Variants in CSMD3 observed in about 807,000 individuals in gnomAD.
CSMD3 encodes CUB and Sushi multiple domains 3.
A neutral mutation model predicts 435.2 loss-of-function variants in CSMD3; 177 were observed. The observed-to-expected ratio is 0.41, with a 90% CI of 0.36 to 0.46. CSMD3 has a LOEUF of 0.46. CSMD3 is among the 20% of genes least tolerant of loss of function. CSMD3 has a pLI of 0.34. For missense variants in CSMD3, 4,265 were observed against 4,504.6 expected, an observed-to-expected ratio of 0.95 and a Z score of 1.52; for synonymous variants, 1,656 against 1,520.5, an observed-to-expected ratio of 1.09 and a Z score of -2.07.
intron 3 of CSMD3, among the ~76,000 whole-genome samples, chr8:113,256,588 A>C: frequency 6.6e-6 from 1 of 152,234 alleles, no homozygotes; most frequent in Admixed American, 6.5e-5. Context: ...AACAACAAAA[A>C]GTGAAGCTGA....
chr8:113,173,420 C>G (rs1195307298), intron 4 of CSMD3, among the ~76,000 whole-genome samples: 2 of 152,020 alleles, frequency 1.3e-5, no homozygotes. Context: ...CTTCTGGGTT[C>G]AAGCAACACT....
chr8:113,409,050 C>A (rs1204880777), intron 1 of CSMD3, among the ~76,000 whole-genome samples: 2 of 149,744 alleles, frequency 1.3e-5, no homozygotes, highest in Non-Finnish European at 3.0e-5. Context: ...ACCATTCCCA[C>A]AATAAGACTT....
chr8:112,238,641 C>T (rs1813822472), intron 66 of CSMD3, among the ~76,000 whole-genome samples: 1 of 150,172 alleles, frequency 6.7e-6, no homozygotes, highest in African/African-American at 2.4e-5. Context: ...TGCTATTTGC[C>T]ATATAATTTT....
At chr8:113,113,512 T>A (rs1006576934) in intron 4 of CSMD3, among the ~76,000 whole-genome samples, 2 of 152,170 alleles carry the variant, frequency 1.3e-5, no homozygotes, top group Non-Finnish European at 2.9e-5. Flanking sequence ...AAAGGCTAGG[T>A]TTAGATGTGA....
chr8:113,060,598 T>C (rs1437496724), intron 5 of CSMD3, among the ~76,000 whole-genome samples: 3 of 152,162 alleles, frequency 2.0e-5, no homozygotes, highest in African/African-American at 7.2e-5. Context: ...TTGTTGCTTA[T>C]TTAAAATTTT....
At chr8:112,342,056 G>T (rs1046797078) in intron 41 of CSMD3, among the ~76,000 whole-genome samples, 4 of 152,016 alleles carry the variant, frequency 2.6e-5, no homozygotes, top group Admixed American at 2.6e-4. Flanking sequence ...TTATGGAAAA[G>T]GTCAATCTAA....
At chr8:113,055,039 T>C (rs1481308697) in intron 5 of CSMD3, among the ~76,000 whole-genome samples, 1 of 152,336 alleles carries the variant, frequency 6.6e-6, no homozygotes, top group Non-Finnish European at 1.5e-5. Context: ...CCCTACTTTA[T>C]TTTCCTTCAT....
intron 13 of CSMD3, among the ~76,000 whole-genome samples, chr8:112,776,954 G>A (rs918284651): frequency 1.1e-4 from 16 of 151,586 alleles, no homozygotes; most frequent in Admixed American, 4.6e-4. Flanking sequence ...AAAAGGATCC[G>A]AAACATAAAT....
chr8:112,854,687 A>G (rs927415178), intron 11 of CSMD3, among the ~76,000 whole-genome samples: 6 of 152,202 alleles, frequency 3.9e-5, no homozygotes, highest in African/African-American at 1.4e-4. Context: ...GGGATCATGA[A>G]ATTTAAAATG....
chr8:113,002,973 T>G (rs1022410792), intron 6 of CSMD3, among the ~76,000 whole-genome samples: 18 of 152,048 alleles, frequency 1.2e-4, no homozygotes, highest in African/African-American at 3.6e-4. Context: ...GGCACGGTGG[T>G]TCACGTCTGT....
chr8:112,273,153 A>G lies in CSMD3; in HGVS notation c.9509-7563T>C, dbSNP rs138380184. Among the ~76,000 whole-genome samples the G allele has an allele frequency of 3.2e-3, 490 of 152,324 alleles. 3 individuals carry two copies. The highest frequency in any genetic ancestry group is 0.011 in the African/African-American group (462 of 41,584). On this transcript the variant is annotated intron_variant, in intron 59 of 70. Transcript: ENST00000297405. Reference sequence around the variant, plus strand: ...GAAAAATGAAGACAATTCAATAAAAATGTCAATGTAATTTTCAATCACAAA... The same window carrying G: ...GAAAAATGAAGACAATTCAATAAAAGTGTCAATGTAATTTTCAATCACAAA...
chr8:112,938,925 G>A (rs2083367803), intron 9 of CSMD3, among the ~76,000 whole-genome samples: 1 of 152,088 alleles, frequency 6.6e-6, no homozygotes, highest in Middle Eastern at 3.2e-3. Flanking sequence ...TTACTCATTA[G>A]TAAAATAGAA....
At chr8:112,808,119 C>T (rs758486732) in intron 12 of CSMD3, among the ~76,000 whole-genome samples, 31 of 152,088 alleles carry the variant, frequency 2.0e-4, no homozygotes, top group Admixed American at 3.3e-4. Flanking sequence ...TGGCAGTTTT[C>T]CCCAACCAGC....
chr8:113,031,655 C>A (rs2131242286), intron 5 of CSMD3, among the ~76,000 whole-genome samples: 1 of 151,686 alleles, frequency 6.6e-6, no homozygotes, highest in South Asian at 2.1e-4. Flanking sequence ...TAAATGCCTG[C>A]AAAATTGGTG....
Position 113,226,249 on chromosome 8 carries a change from A to G in CSMD3, c.515-52333T>C, listed in dbSNP as rs186684565. Among the ~76,000 whole-genome samples, 427 of 151,668 alleles carry G rather than the reference A, an allele frequency of 2.8e-3. 1 individual carries two copies. Among genetic ancestry groups the G allele is most frequent in the Admixed American group, 5.4e-3 (82 of 15,170 alleles). On this transcript the variant is annotated intron_variant, in intron 3 of 70. Transcript: ENST00000297405. ...TAGTTCTTAGTATTTTCCTCATAAGAAGGAGGAATGTGATGTAAATAAATC... is the reference window on the plus strand; with the variant it reads ...TAGTTCTTAGTATTTTCCTCATAAGGAGGAGGAATGTGATGTAAATAAATC...
intron 38 of CSMD3, among the ~76,000 whole-genome samples, chr8:112,370,802 C>A (rs1828316992): frequency 6.6e-6 from 1 of 152,128 alleles, no homozygotes; most frequent in Non-Finnish European, 1.5e-5. Context: ...CACCTTTTAT[C>A]TGTCTTCACC....
chr8:113,309,205 T>G (rs1301618023), intron 2 of CSMD3: 1 of 151,968 alleles, frequency 6.6e-6, no homozygotes, highest in Non-Finnish European at 1.5e-5. Context: ...CCTCCCAAAG[T>G]TTTTTCTTTT....
intron 22 of CSMD3, among the ~76,000 whole-genome samples, chr8:112,595,135 T>C (rs1831572229): frequency 6.8e-6 from 1 of 146,748 alleles, no homozygotes; most frequent in African/African-American, 2.5e-5. Flanking sequence ...TAGAAGAATG[T>C]ATAACTAGAA....
chr8:112,738,680 A>G (rs2077238022), intron 13 of CSMD3, among the ~76,000 whole-genome samples: 1 of 151,686 alleles, frequency 6.6e-6, no homozygotes, highest in African/African-American at 2.4e-5. Context: ...ACCTAATAAA[A>G]TTTTGTCAAA....
Sources: allele counts gnomAD v4.1 joint callset (sites outside exome capture counted in the v4.1 genomes callset), GRCh38; gene constraint gnomAD v4.1.1; transcripts MANE v1.5; gene names NCBI Gene and HGNC (gene_info 2026-07-23, HGNC 2026-07-21).